The following EXOSC2 variants were observed in gnomAD, a reference collection of about 807,000 sequenced individuals.
EXOSC2 encodes exosome component 2, also known as exosome complex component RRP4.
In EXOSC2, 29 loss-of-function variants were observed where a neutral mutation model predicts 37.6. The ratio of observed to expected loss-of-function variants is 0.77; its 90% CI spans 0.57 to 1.05. The LOEUF is 1.05. Among genes scored for constraint, EXOSC2 ranks in the 50% least tolerant of loss-of-function variants. The pLI is 0.00. For missense variants in EXOSC2, 346 were observed against 365.6 expected (o/e 0.95, Z 0.44); for synonymous variants, 119 against 131.1 (o/e 0.91, Z 0.63).
rs1433295281 is a variant in EXOSC2 at position 130,694,063 on chromosome 9, C to T, written c.122+150C>T. The T allele has an allele frequency of 6.7e-6, 6 of 899,086 alleles. No individual in the cohort carries two copies. Among genetic ancestry groups the T allele is most frequent in the Non-Finnish European group, 9.4e-6 (6 of 641,256 alleles). The allele number at this position is 899,086 out of a possible 1,614,324, so 55.7% of individuals were successfully genotyped here. A position where few individuals can be genotyped will look rare whatever the true frequency, so the allele number is the denominator to read the frequency against. On this transcript the variant is annotated intron_variant, in intron 1 of 8. Transcript: ENST00000372358. The surrounding 1 kb of genome is among the most constrained non-coding windows in gnomAD (Gnocchi z 4.0). ...TCCTACACACCTCGCTTCCGAGCCT[C>T]GTGCTTCTTGCTCCCTGCATCTTGT...
rs372828936 is a variant in EXOSC2, at chr9:130,695,177, T to C, written c.123-315T>C. Among the ~76,000 whole-genome samples the C allele has an allele frequency of 1.3e-4, 20 of 152,272 alleles. 3 individuals carry two copies. Among genetic ancestry groups the C allele is most frequent in the Admixed American group, 5.9e-4 (9 of 15,306 alleles). On this transcript the variant is annotated intron_variant, in intron 1 of 8. Transcript: ENST00000372358. ...AGTTATTCAGAATGTTAGGCAATAA[T>C]GCAATAGGGAAAAAAGTGGAGCAGG...
chr9:130,695,491 G>C lies in EXOSC2; in HGVS notation c.123-1G>C, dbSNP rs1831072802. 2 of 1,613,242 alleles carry C rather than the reference G, an allele frequency of 1.2e-6. No homozygotes were observed. The highest frequency in any genetic ancestry group is 8.5e-7 in the Non-Finnish European group (1 of 1,179,180). ...TTCTTTGTATCTTCGCCTTGCATCA[G>C]GGGCCATGGAACGTATATGGGAGAA... On this transcript the variant is annotated splice_acceptor_variant, in intron 1 of 8. Transcript: ENST00000372358. LOFTEE classifies it high-confidence loss of function.
intron 5 of EXOSC2, chr9:130,699,616 G>A (rs1054699055): frequency 1.8e-6 from 1 of 570,622 alleles, no homozygotes; most frequent in Non-Finnish European, 3.1e-6. Context: ...TTTGGGTCTT[G>A]TAACTTACGG....
At chr9:130,700,164 C>T (rs1023449240) in intron 5 of EXOSC2, among the ~76,000 whole-genome samples, 7 of 151,018 alleles carry the variant, frequency 4.6e-5, no homozygotes, top group Non-Finnish European at 8.8e-5. Context: ...CTAGGATTAC[C>T]GGCGTGCGTC....
chr9:130,695,418 C>T (rs1207720028), intron 1 of EXOSC2, 74 bp from the exon 2 acceptor site: 5 of 1,295,678 alleles, frequency 3.9e-6, no homozygotes, highest in African/African-American at 1.5e-5. Flanking sequence ...TTGAGGAACA[C>T]GTTGTTCTTG....
Position 130,700,862 on chromosome 9 carries a change from G to A in EXOSC2, c.427-5G>A, listed in dbSNP as rs1831200200. 1 of 1,613,792 alleles carries A rather than the reference G, an allele frequency of 6.2e-7. No individual in the cohort carries two copies. The highest frequency in any genetic ancestry group is 1.7e-5 in the Admixed American group (1 of 59,974). On this transcript the variant is annotated splice_region_variant and splice_polypyrimidine_tract_variant and intron_variant, in intron 5 of 8. Coordinates refer to ENST00000372358, the MANE Select transcript of EXOSC2 (RefSeq NM_014285.7). ...TGCTGTTTGTTCCTTCATCACCCTGGCCAGGCTGAGGTCCAGGCAGTGTTC... is the reference window on the plus strand; with the variant it reads ...TGCTGTTTGTTCCTTCATCACCCTGACCAGGCTGAGGTCCAGGCAGTGTTC...
At chr9:130,701,107 G>T (rs940052578) in intron 6 of EXOSC2, 172 bp downstream of exon 6, 7 of 616,788 alleles carry the variant, frequency 1.1e-5, no homozygotes, top group Middle Eastern at 2.6e-4. Context: ...GGACGGTCAG[G>T]GTTCACAGGG....
chr9:130,699,670 T>C (rs1046154570), intron 5 of EXOSC2: 11 of 439,670 alleles, frequency 2.5e-5, no homozygotes, highest in African/African-American at 2.2e-4. Context: ...GTGTTAACTT[T>C]TAGCGCAGGG....
Position 130,699,328 on chromosome 9 carries a change from G to A in EXOSC2, c.361-1G>A. On this transcript the variant is annotated splice_acceptor_variant, in intron 4 of 8. Coordinates refer to ENST00000372358, the MANE Select transcript of EXOSC2 (RefSeq NM_014285.7). LOFTEE classifies it high-confidence loss of function. The stretch of plus-strand genomic sequence containing the variant: ...TAATGTCATTTCTTTGTGTATTTCA[G>A]AGGAGAAGATCTGCAGAAGATGAGC... 1 of 1,614,150 alleles carries A rather than the reference G, an allele frequency of 6.2e-7. No homozygotes were observed. Among genetic ancestry groups the A allele is most frequent in the Non-Finnish European group, 8.5e-7 (1 of 1,179,994 alleles).
intron 2 of EXOSC2, 32 bp from the exon 3 acceptor site, chr9:130,697,550 G>A: frequency 6.2e-7 from 1 of 1,611,654 alleles, no homozygotes; most frequent in Non-Finnish European, 8.5e-7. Flanking sequence ...TCTGCTCACA[G>A]ATGGATGAAC....
rs1012249615 is a variant in EXOSC2, at chr9:130,694,270, T to C, written c.122+357T>C. 6.6e-6 allele frequency among the ~76,000 whole-genome samples: 1 copy of C among 152,216 alleles called. No homozygotes were observed. Among genetic ancestry groups the C allele is most frequent in the East Asian group, 1.9e-4 (1 of 5,182 alleles). On this transcript the variant is annotated intron_variant, in intron 1 of 8. Transcript: ENST00000372358. The surrounding 1 kb of genome is among the most constrained non-coding windows in gnomAD (Gnocchi z 4.0). ...AGTTTTCAGCTCTCTGAGGGGACGGTGGGCGTTCTTGGCTGCCTCCTCTTC... is the reference window on the plus strand; with the variant it reads ...AGTTTTCAGCTCTCTGAGGGGACGGCGGGCGTTCTTGGCTGCCTCCTCTTC...
At chr9:130,702,438 A>G (rs1831237764) in intron 7 of EXOSC2, 128 bp downstream of exon 7, 1 of 708,226 alleles carries the variant, frequency 1.4e-6, no homozygotes, top group East Asian at 2.7e-5. Context: ...TTGACTTTCC[A>G]TCACGGTATG....
At chr9:130,700,363 TTA>T (rs1445439281) in intron 5 of EXOSC2, among the ~76,000 whole-genome samples, 1 of 147,450 alleles carries the variant, frequency 6.8e-6, no homozygotes, top group African/African-American at 2.5e-5. Flanking sequence ...ATTTATTTAT[TTA>T]TTTATTTTTT....
chr9:130,697,448 A>G (rs1564255957), intron 2 of EXOSC2, 134 bp from the exon 3 acceptor site: 1 of 791,534 alleles, frequency 1.3e-6, no homozygotes, highest in South Asian at 1.5e-5. Flanking sequence ...TCCAGACAAT[A>G]TAGTTACATG....
At chr9:130,699,462 G>C in intron 5 of EXOSC2, 68 bp downstream of exon 5, 1 of 1,435,844 alleles carries the variant, frequency 7.0e-7, no homozygotes, top group Non-Finnish European at 9.8e-7. Flanking sequence ...GCCTTCCATT[G>C]TATGTCTCTG....
In EXOSC2 at chr9:130,702,151, G is replaced by A; in HGVS notation, c.513G>A (p.Leu171=). The A allele has an allele frequency of 6.2e-7, 1 of 1,613,974 alleles. No individual in the cohort carries two copies. Among genetic ancestry groups the A allele is most frequent in the Non-Finnish European group, 8.5e-7 (1 of 1,179,986 alleles). ...TTCTTTAGCTAGGTCAGGGGGTTTT[G>A]GTCCAGGTTTCCCCCTCCCTGGTGA... is the stretch of plus-strand genomic sequence containing the variant. ...LKYGKLGQGV[L]VQVSPSLVKR... The change falls in exon 7 of 9, where the codon TTG becomes TTA. Residue 171 remains leucine, a synonymous_variant. Transcript: ENST00000372358.
chr9:130,698,353 C>T lies in EXOSC2; in HGVS notation c.360+102C>T, dbSNP rs942191445. ...GGACTTTGATTTACACTGAGGTTGC[C>T]CCTTTGACTCCTGTTTGTCTGCTGT... On this transcript the variant is annotated intron_variant, in intron 4 of 8. Transcript: ENST00000372358. This position sits in a 1 kb window ranked among gnomAD's most constrained non-coding sequence, Gnocchi z 4.1. 17 of 963,260 alleles carry T rather than the reference C, an allele frequency of 1.8e-5. No homozygotes were observed. Among genetic ancestry groups the T allele is most frequent in the Non-Finnish European group, 2.7e-5 (17 of 627,244 alleles). The allele number at this position is 963,260 out of a possible 1,614,324, so 59.7% of individuals were successfully genotyped here.
rs771446451 is a variant in EXOSC2 at position 130,695,521 on chromosome 9, A to G, written c.152A>G (p.Lys51Arg). 6.2e-7 allele frequency: 1 copy of G among 1,614,204 alleles called. No homozygotes were observed. Among genetic ancestry groups the G allele is most frequent in the South Asian group, 1.1e-5 (1 of 91,090 alleles). The change falls in exon 2 of 9, where the codon AAG becomes AGG. Residue 51 changes from lysine (K) to arginine (R), a missense_variant. By Grantham distance (26) the Lys-to-Arg change is conservative. Transcript: ENST00000372358. ...RGHGTYMGEE[K>R]LIASVAGSVE... ...CATGGAACGTATATGGGAGAAGAGA[A>G]GCTCATTGCATCTGTTGCTGGCTCT...
Position 130,702,175 on chromosome 9 carries a change from G to A in EXOSC2, c.537G>A (p.Val179=). Residue 179 remains valine, a synonymous_variant, in exon 7 of 9, where the codon GTG becomes GTA. Coordinates refer to ENST00000372358, the MANE Select transcript of EXOSC2 (RefSeq NM_014285.7). ...TGGTCCAGGTTTCCCCCTCCCTGGT[G>A]AAACGGCAGAAGACCCACTTTCATG... ...GVLVQVSPSL[V]KRQKTHFHDL... is the part of the protein sequence containing the mutation. 3 of 1,614,124 alleles carry A rather than the reference G, an allele frequency of 1.9e-6. No homozygotes were observed. The highest frequency in any genetic ancestry group is 2.2e-5 in the East Asian group (1 of 44,876).
Sources: allele counts gnomAD v4.1 joint callset (sites outside exome capture counted in the v4.1 genomes callset), GRCh38; gene constraint gnomAD v4.1.1; non-coding constraint Gnocchi (gnomAD v3.1); transcripts MANE v1.5; gene names NCBI Gene and HGNC (gene_info 2026-07-23, HGNC 2026-07-21).